DOCK9: variants seen among roughly 807,000 people sequenced by gnomAD.
DOCK9 encodes dedicator of cytokinesis 9.
Under a neutral mutation model 263.3 loss-of-function variants are expected in DOCK9, and 89 were observed. The ratio of observed to expected loss-of-function variants is 0.34; its 90% confidence interval spans 0.28 to 0.40. DOCK9 has a LOEUF of 0.40. Ranked by LOEUF, DOCK9 falls within the 10% of genes least tolerant of loss-of-function variation. The pLI, the probability that DOCK9 is intolerant of heterozygous loss-of-function variation, is 1.00. For missense variants in DOCK9, 2,140 were observed against 2,603.4 expected, an observed-to-expected ratio of 0.82 and a Z score of 3.87; for synonymous variants, 976 against 973.1, an observed-to-expected ratio of 1.00 and a Z score of -0.06.
At chr13:98,904,798 T>C (rs530273489) in intron 9 of DOCK9, 92 bp from the exon 10 acceptor site, 23 of 1,120,400 alleles carry the variant, frequency 2.1e-5, no homozygotes, top group South Asian at 7.5e-5. Context: ...GTCCTGAAGG[T>C]TGAGGCTGCT....
At chr13:98,932,273 T>C (rs577814647) in intron 2 of DOCK9, among the ~76,000 whole-genome samples, 7 of 152,206 alleles carry the variant, frequency 4.6e-5, no homozygotes, top group African/African-American at 1.7e-4. Context: ...CGCATGCCTA[T>C]AATCCCAGCT....
chr13:98,860,071 T>A (rs910253248), intron 33 of DOCK9: 23 of 569,084 alleles, frequency 4.0e-5, no homozygotes, highest in African/African-American at 5.9e-5. Context: ...AGTGTTCCCC[T>A]CCCCCCACCA....
intron 1 of DOCK9, among the ~76,000 whole-genome samples, chr13:99,008,958 A>G (rs1883984796): frequency 6.6e-6 from 1 of 152,222 alleles, no homozygotes; most frequent in African/African-American, 2.4e-5. Context: ...GTCCATTGCA[A>G]CTTGTTACAT....
intron 1 of DOCK9, among the ~76,000 whole-genome samples, chr13:99,044,704 C>T (rs1415266494): frequency 1.3e-5 from 2 of 152,184 alleles, no homozygotes; most frequent in Non-Finnish European, 2.9e-5. Context: ...AAGACACAAA[C>T]TTTGGGCTCC....
chr13:98,930,079 C>T (rs2053658495), intron 3 of DOCK9, 89 bp downstream of exon 3: 1 of 1,205,552 alleles, frequency 8.3e-7, no homozygotes, highest in Non-Finnish European at 1.2e-6. Context: ...CCTTTTGACA[C>T]TTCCTTGACA....
At chr13:98,966,188 C>T (rs1567120467) in intron 1 of DOCK9, among the ~76,000 whole-genome samples, 2 of 152,178 alleles carry the variant, frequency 1.3e-5, no homozygotes, top group South Asian at 2.1e-4. Flanking sequence ...GTCCTGTGCC[C>T]GGGGAGTCAC....
intron 18 of DOCK9, among the ~76,000 whole-genome samples, chr13:98,887,125 T>TTATATATATATATATATATATA (rs1160298057): frequency 1.6e-4 from 16 of 102,444 alleles, no homozygotes; most frequent in Non-Finnish European, 2.7e-4. Flanking sequence ...ATACTATATT[T>TTATATATATATATATATATATA]TATATATATA....
intron 1 of DOCK9, among the ~76,000 whole-genome samples, chr13:98,956,337 C>T (rs2058059301): frequency 2.0e-5 from 3 of 152,176 alleles, no homozygotes; most frequent in Non-Finnish European, 2.9e-5. Flanking sequence ...GTTTATGGCT[C>T]GCTTTCCACA....
At chr13:99,052,723 C>T (rs370237468) in intron 1 of DOCK9, among the ~76,000 whole-genome samples, 1 of 151,808 alleles carries the variant, frequency 6.6e-6, no homozygotes, top group African/African-American at 2.4e-5. Flanking sequence ...ACGTCAGACT[C>T]CTAAGTAACT....
At chr13:98,955,241 C>A (rs1365381314) in intron 2 of DOCK9, among the ~76,000 whole-genome samples, 194 bp downstream of exon 2, 2 of 152,070 alleles carry the variant, frequency 1.3e-5, no homozygotes, top group Non-Finnish European at 2.9e-5. Context: ...ATGCTTGAAC[C>A]CAGGAGGCGG....
At chr13:98,864,762 G>A (rs1452605926) in intron 30 of DOCK9, among the ~76,000 whole-genome samples, 1 of 152,178 alleles carries the variant, frequency 6.6e-6, no homozygotes, top group East Asian at 1.9e-4. Context: ...CCCCAGTGTT[G>A]GAGGTGGGGC....
chr13:98,876,203 T>C lies in DOCK9; in HGVS notation c.2943+3695A>G, dbSNP rs186345499. Among the ~76,000 whole-genome samples, 41 of 152,298 alleles carry C rather than the reference T, an allele frequency of 2.7e-4. 1 individual carries two copies. The East Asian group carries it at 7.0e-3, about 26-fold the overall frequency. ...CCTCGTCATGACACTTCAAGAAAGG[T>C]TCCCTTGGCTGGGCGCGGTGGCTCA... On this transcript the variant is annotated intron_variant, in intron 27 of 52. Transcript: ENST00000682017.
At chr13:99,061,265 A>G (rs952713295) in intron 1 of DOCK9, among the ~76,000 whole-genome samples, 2 of 152,194 alleles carry the variant, frequency 1.3e-5, no homozygotes, top group Non-Finnish European at 2.9e-5. Context: ...ACAATGAAGG[A>G]TGTCAAGGAC....
At chr13:98,853,291 C>G (rs116284923) in intron 35 of DOCK9, 117 bp downstream of exon 35, 1 of 624,898 alleles carries the variant, frequency 1.6e-6, no homozygotes, top group East Asian at 2.8e-5. Flanking sequence ...AATGAATATG[C>G]ATTTTAAACA....
In DOCK9 at chr13:98,915,462, C is replaced by T. The variant is rs780487515; in HGVS notation, c.759G>A (p.Gln253=). 6.2e-7 allele frequency: 1 copy of T among 1,613,768 alleles called. No homozygotes were observed. Among genetic ancestry groups the T allele is most frequent in the African/African-American group, 1.3e-5 (1 of 75,002 alleles). The stretch of plus-strand genomic sequence containing the variant: ...CTGCCAAGAGATAACTACTTTTGTC[C>T]TGCATCTTGAGCTCAAAAGCAAAAC... ...VRRFAFELKM[Q]DKSSYLLAAD... Residue 253 remains glutamine (Q), a synonymous_variant, in exon 8 of 53, where the codon CAG becomes CAA. Coordinates refer to ENST00000682017, the MANE Select transcript of DOCK9 (RefSeq NM_001366683.2).
intron 27 of DOCK9, among the ~76,000 whole-genome samples, chr13:98,871,387 A>G (rs1252688450): frequency 2.0e-5 from 3 of 152,214 alleles, no homozygotes; most frequent in Non-Finnish European, 2.9e-5. Flanking sequence ...TTACATACCA[A>G]CCCATCATTA....
chr13:99,077,564 T>C (rs1239866005), intron 1 of DOCK9, among the ~76,000 whole-genome samples: 1 of 152,164 alleles, frequency 6.6e-6, no homozygotes, highest in African/African-American at 2.4e-5. Flanking sequence ...ATCTCAGGTA[T>C]GCCTTTATTG....
rs1381812013 is a variant in DOCK9, at chr13:98,825,994, C to T, written c.5023+836G>A. 1.6e-5 allele frequency: 22 copies of T among 1,382,782 alleles called. No homozygotes were observed. Among genetic ancestry groups the T allele is most frequent in the South Asian group, 1.6e-4 (9 of 57,750 alleles). The allele number at this position is 1,382,782 out of a possible 1,614,324, so 85.7% of individuals were successfully genotyped here. On this transcript the variant is annotated intron_variant, in intron 44 of 52. Coordinates refer to ENST00000682017, the MANE Select transcript of DOCK9 (RefSeq NM_001366683.2). This position sits in a 1 kb window ranked among gnomAD's most constrained non-coding sequence, Gnocchi z 4.1. ...AAAAGGTCTCAACAGGAAATAGTACCGGTATTAAATGAACATGGAGCCCTT... is the reference window on the plus strand; with the variant it reads ...AAAAGGTCTCAACAGGAAATAGTACTGGTATTAAATGAACATGGAGCCCTT...
rs535419943 is a variant in DOCK9, at chr13:99,062,830, G to T, written c.129+23393C>A. ...TCCCCAAATATTCCATTGGCAGGCA[G>T]CCCAGGACCGCGCCAGTTCAGTGGT... is the stretch of plus-strand genomic sequence containing the variant. On this transcript the variant is annotated intron_variant, in intron 1 of 32. Transcript: ENST00000427887. Among the ~76,000 whole-genome samples, 3 of 152,316 alleles carry T rather than the reference G, an allele frequency of 2.0e-5. No individual in the cohort carries two copies. The East Asian group carries it at 5.8e-4, about 29-fold the overall frequency.
Sources: gnomAD v4.1 joint callset for allele counts (sites outside exome capture counted in the v4.1 genomes callset) on GRCh38, gnomAD v4.1.1 for gene constraint, Gnocchi (gnomAD v3.1) non-coding constraint, MANE v1.5 for transcripts, NCBI Gene and HGNC (gene_info 2026-07-23, HGNC 2026-07-21) for gene names.